RPH3AL: variants seen among roughly 807,000 people sequenced by gnomAD.
RPH3AL encodes rabphilin 3A like (without C2 domains), also known as rab effector Noc2.
RPH3AL carries 38 observed loss-of-function variants against 43.1 expected under a neutral mutation model. That is an observed-to-expected ratio of 0.88 (90% CI 0.68 to 1.15). The LOEUF is 1.15. Ranked by LOEUF, RPH3AL falls within the 50% of genes most tolerant of loss-of-function variation. RPH3AL has a pLI of 0.00. For synonymous variants in RPH3AL, 189 were observed against 176.3 expected, an observed-to-expected ratio of 1.07 and a Z score of -0.57; for missense variants, 462 against 423.2, an observed-to-expected ratio of 1.09 and a Z score of -0.81.
At chr17:317,196 G>A (rs1047262997) in intron 5 of RPH3AL, among the ~76,000 whole-genome samples, 1 of 134,978 alleles carries the variant, frequency 7.4e-6, no homozygotes, top group Non-Finnish European at 1.6e-5. Flanking sequence ...TTGACCTGTA[G>A]TCCCTGTACT....
Position 290,991 on chromosome 17 carries a change from G to C in RPH3AL, c.352-9137C>G, listed in dbSNP as rs150868369. Among the ~76,000 whole-genome samples, 74 of 152,306 alleles carry C rather than the reference G, an allele frequency of 4.9e-4. No individual in the cohort carries two copies. The East Asian group carries it at 0.014, about 28-fold the overall frequency. On this transcript the variant is annotated intron_variant, in intron 5 of 9. Transcript: ENST00000331302. The surrounding 1 kb of genome is among the most constrained non-coding windows in gnomAD (Gnocchi z 4.2). ...GCCTGGACCATCCATGGCACAGAGA[G>C]GGCTGTTCATGAGCCTCACTCGACC...
chr17:312,076 G>C (rs561197159), intron 5 of RPH3AL, among the ~76,000 whole-genome samples: 5 of 152,250 alleles, frequency 3.3e-5, no homozygotes, highest in African/African-American at 1.2e-4. Flanking sequence ...AGCGGAGGTG[G>C]GAGGATTGCT....
chr17:289,212 G>C lies in RPH3AL; in HGVS notation c.352-7358C>G, dbSNP rs559857516. ...GGTTGCAGATGAGGGGATCAAGGGA[G>C]ACGGTCATGAAAGTGCTCAGCACCA... On this transcript the variant is annotated intron_variant, in intron 5 of 9. Transcript: ENST00000331302. The surrounding 1 kb of genome is among the most constrained non-coding windows in gnomAD (Gnocchi z 5.2). Among the ~76,000 whole-genome samples, 6 of 152,208 alleles carry C rather than the reference G, an allele frequency of 3.9e-5. No homozygotes were observed. The South Asian group carries it at 8.3e-4, about 21-fold the overall frequency.
chr17:265,819 G>A (rs2042306250), intron 6 of RPH3AL, among the ~76,000 whole-genome samples: 1 of 151,858 alleles, frequency 6.6e-6, no homozygotes, highest in African/African-American at 2.4e-5. Flanking sequence ...CGGGAGGCCG[G>A]TGGCACAGAT....
Position 246,948 on chromosome 17 carries a change from T to G in RPH3AL, c.613+163A>C, listed in dbSNP as rs2041779889. On this transcript the variant is annotated intron_variant, in intron 7 of 9. Coordinates refer to ENST00000331302, the MANE Select transcript of RPH3AL (RefSeq NM_006987.4). This position sits in a 1 kb window ranked among gnomAD's most constrained non-coding sequence, Gnocchi z 4.8. ...CCTGCTGGAGGTCCCCGCTGCTCAC[T>G]CGGGAGAAGGTGTGGAGCTGAGGGC... Among the ~76,000 whole-genome samples the G allele has an allele frequency of 6.6e-6, 1 of 152,058 alleles. No homozygotes were observed. Among genetic ancestry groups the G allele is most frequent in the Admixed American group, 6.6e-5 (1 of 15,262 alleles).
intron 5 of RPH3AL, among the ~76,000 whole-genome samples, chr17:301,932 A>G (rs62053676): frequency 0.054 from 8,225 of 152,274 alleles, 266 homozygotes; most frequent in Middle Eastern, 0.13. Context: ...CCTGGGGGCC[A>G]TGAGGGACAC....
intron 5 of RPH3AL, among the ~76,000 whole-genome samples, chr17:314,609 T>C (rs1027871132): frequency 3.1e-5 from 4 of 129,770 alleles, no homozygotes; most frequent in East Asian, 4.9e-4. Flanking sequence ...CACTGACCTG[T>C]AGTCCCTGTG....
chr17:316,385 G>T (rs796247522), intron 5 of RPH3AL, among the ~76,000 whole-genome samples: 3 of 142,128 alleles, frequency 2.1e-5, no homozygotes, highest in African/African-American at 8.4e-5. Flanking sequence ...TAGTCTCTCT[G>T]CACCCACCTC....
Position 333,082 on chromosome 17 carries a change from G to C in RPH3AL, c.-37+677C>G. The stretch of plus-strand genomic sequence containing the variant: ...AGGATGCAATTCTCTCTCTAAAGTC[G>C]AGAGCTCACCACCCCGGGCGTTCGT... On this transcript the variant is annotated intron_variant, in intron 2 of 9. Coordinates refer to ENST00000331302, the MANE Select transcript of RPH3AL (RefSeq NM_006987.4). This position sits in a 1 kb window ranked among gnomAD's most constrained non-coding sequence, Gnocchi z 4.5. 1 of 1,286,738 alleles carries C rather than the reference G, an allele frequency of 7.8e-7. No homozygotes were observed. The highest frequency in any genetic ancestry group is 1.0e-6 in the Non-Finnish European group (1 of 988,638). 79.7% of individuals were successfully genotyped at this position (1,286,738 alleles called of 1,614,324 possible). A position where few individuals can be genotyped will look rare whatever the true frequency, so the allele number is the denominator to read the frequency against.
chr17:261,212 C>G (rs1555546099), intron 6 of RPH3AL, among the ~76,000 whole-genome samples: 1 of 152,182 alleles, frequency 6.6e-6, no homozygotes, highest in Non-Finnish European at 1.5e-5. Context: ...ACTGTGTCCT[C>G]CAAATCCACA....
intron 7 of RPH3AL, among the ~76,000 whole-genome samples, chr17:235,489 C>T (rs929245840): frequency 6.9e-6 from 1 of 144,134 alleles, no homozygotes; most frequent in Non-Finnish European, 1.5e-5. Flanking sequence ...TCTGCACTAA[C>T]AAGACGGATC....
intron 6 of RPH3AL, among the ~76,000 whole-genome samples, chr17:275,603 A>G (rs941954269): frequency 6.6e-6 from 1 of 152,162 alleles, no homozygotes; most frequent in African/African-American, 2.4e-5. Context: ...GCTGGAGTAC[A>G]TTGGTGCAAT....
At chr17:253,147 G>A (rs1337521438) in intron 6 of RPH3AL, among the ~76,000 whole-genome samples, 2 of 152,226 alleles carry the variant, frequency 1.3e-5, no homozygotes, top group Non-Finnish European at 2.9e-5. Context: ...GCATCCATCA[G>A]GGCATGAGGC....
chr17:315,160 T>G (rs1598091182), intron 5 of RPH3AL, among the ~76,000 whole-genome samples: 1 of 148,868 alleles, frequency 6.7e-6, no homozygotes, highest in African/African-American at 2.5e-5. Context: ...CTGTAGTCCC[T>G]GTGCCCCCAC....
intron 8 of RPH3AL, 120 bp downstream of exon 8, chr17:219,503 T>A (rs1222550922): frequency 5.8e-6 from 2 of 344,276 alleles, no homozygotes; most frequent in East Asian, 9.9e-5. Flanking sequence ...GGCCTAATAG[T>A]TTCATTTCTT....
chr17:336,214 A>T (rs2044949616), intron 1 of RPH3AL, among the ~76,000 whole-genome samples: 1 of 152,162 alleles, frequency 6.6e-6, no homozygotes. Context: ...TTACTATGAC[A>T]CGGGAAACAC....
intron 7 of RPH3AL, among the ~76,000 whole-genome samples, chr17:232,884 G>A (rs2041264541): frequency 8.7e-6 from 1 of 114,502 alleles, no homozygotes; most frequent in Non-Finnish European, 1.8e-5. Context: ...GTGTGTGTGT[G>A]TGTTGGCTTC....
intron 7 of RPH3AL, among the ~76,000 whole-genome samples, chr17:228,591 C>T (rs9675043): frequency 0.46 from 69,848 of 152,038 alleles, 16,612 homozygotes; most frequent in Non-Finnish European, 0.52. Context: ...TTCGAGGAAG[C>T]GTGGATTCCC....
chr17:239,789 G>A (rs888639501), intron 7 of RPH3AL, among the ~76,000 whole-genome samples: 41 of 152,098 alleles, frequency 2.7e-4, no homozygotes, highest in African/African-American at 9.2e-4. Flanking sequence ...ACCACACCTG[G>A]CTAAGTCTTA....
Sources: gnomAD v4.1 joint callset for allele counts (sites outside exome capture counted in the v4.1 genomes callset) on GRCh38, gnomAD v4.1.1 for gene constraint, Gnocchi (gnomAD v3.1) non-coding constraint, MANE v1.5 for transcripts, NCBI Gene and HGNC (gene_info 2026-07-23, HGNC 2026-07-21) for gene names.